Variants in LANCL3 observed in about 807,000 individuals in gnomAD.
LANCL3 encodes lanC-like protein 3.
Under a neutral mutation model 26.5 loss-of-function variants are expected in LANCL3, and 19 were observed. The observed-to-expected ratio is 0.72, with a 90% CI of 0.50 to 1.05. The LOEUF (loss-of-function observed/expected upper bound fraction) is 1.05. Among genes scored for constraint, LANCL3 ranks in the 50% least tolerant of loss-of-function variants. LANCL3 has a pLI of 0.00. For synonymous variants in LANCL3, 160 were observed against 166.6 expected (o/e 0.96, Z 0.30); for missense variants, 318 against 362.7 (o/e 0.88, Z 1.00).
In LANCL3 at chrX:37,572,320, C is replaced by G; in HGVS notation, c.450C>G (p.Phe150Leu). 1 of 1,162,197 alleles carries G rather than the reference C, an allele frequency of 8.6e-7. No homozygotes were observed. The highest frequency in any genetic ancestry group is 1.1e-6 in the Non-Finnish European group (1 of 871,481). ...RSDYVQPLGK[F>L]RALCAVCAPV... ...ACTACGTGCAGCCGCTGGGCAAGTTCCGGGCTCTGTGTGCCGTCTGCGCGC... is the reference window on the plus strand; with the variant it reads ...ACTACGTGCAGCCGCTGGGCAAGTTGCGGGCTCTGTGTGCCGTCTGCGCGC... The change falls in exon 1 of 5, where the codon TTC becomes TTG. Residue 150 changes from phenylalanine to leucine, a missense_variant. By Grantham distance (22) the Phe-to-Leu change is conservative (BLOSUM62 0). Coordinates refer to ENST00000378619, the MANE Select transcript of LANCL3 (RefSeq NM_001170331.2).
intron 1 of LANCL3, among the ~76,000 whole-genome samples, chrX:37,592,502 A>G (rs1208387788): frequency 1.8e-5 from 2 of 112,445 alleles, no homozygotes; most frequent in Non-Finnish European, 3.8e-5. Context: ...AATTTCCCAA[A>G]TGCCCAAATC....
At chrX:37,657,691 A>G (rs1483534407) in intron 2 of LANCL3, among the ~76,000 whole-genome samples, 1 of 110,521 alleles carries the variant, frequency 9.0e-6, no homozygotes, top group African/African-American at 3.3e-5. Context: ...TTTTACATAT[A>G]TATAGCTTAA....
chrX:37,607,401 A>G (rs1924747236), intron 1 of LANCL3, among the ~76,000 whole-genome samples: 1 of 112,234 alleles, frequency 8.9e-6, no homozygotes, highest in Non-Finnish European at 1.9e-5. Context: ...TATCTGTGTC[A>G]TCACAGGTTT....
chrX:37,667,933 G>A (rs1470943937), intron 4 of LANCL3, among the ~76,000 whole-genome samples: 8 of 110,305 alleles, frequency 7.3e-5, no homozygotes, highest in Non-Finnish European at 1.5e-4. Context: ...TCATCTCTTG[G>A]GAGCAAATAG....
At position 37,592,657 on chromosome X, in the gene LANCL3, T is replaced by G. The variant is rs192570395; in HGVS notation, c.573+20214T>G. On this transcript the variant is annotated intron_variant, in intron 1 of 4. Coordinates refer to ENST00000378619, the MANE Select transcript of LANCL3 (RefSeq NM_001170331.2). ...AATAAAAATAATTCAGTGCAAAAAT[T>G]AGAATATTAAGTTGAATAAATGTCC... is the stretch of plus-strand genomic sequence containing the variant. 3.0e-4 allele frequency among the ~76,000 whole-genome samples: 33 copies of G among 111,352 alleles called. No homozygotes were observed. In the East Asian group the frequency reaches 4.2e-3, roughly 14 times the overall value.
At chrX:37,660,721 C>T (rs1926398745) in intron 3 of LANCL3, among the ~76,000 whole-genome samples, 1 of 110,884 alleles carries the variant, frequency 9.0e-6, no homozygotes, top group Admixed American at 9.6e-5. Context: ...AGTTTCATTA[C>T]CTTTTCCTCC....
intron 1 of LANCL3, among the ~76,000 whole-genome samples, chrX:37,582,495 T>C (rs1250030641): frequency 3.6e-5 from 4 of 112,031 alleles, no homozygotes; most frequent in Non-Finnish European, 7.5e-5. Context: ...TGAGGGGGTG[T>C]CTCATCATAG....
chrX:37,575,638 A>T (rs1490154002), intron 1 of LANCL3, among the ~76,000 whole-genome samples: 1 of 112,498 alleles, frequency 8.9e-6, no homozygotes, highest in African/African-American at 3.2e-5. Context: ...AGCTCAACCA[A>T]TAAAGCAGTG....
At chrX:37,587,032 C>T (rs1297035969) in intron 1 of LANCL3, among the ~76,000 whole-genome samples, 1 of 112,827 alleles carries the variant, frequency 8.9e-6, no homozygotes, top group Non-Finnish European at 1.9e-5. Context: ...CCCTCAGCTT[C>T]ATGTCTGTTG....
rs188219327 is a variant in LANCL3, at chrX:37,574,562, G to A, written c.573+2119G>A. On this transcript the variant is annotated intron_variant, in intron 1 of 4. Coordinates refer to ENST00000378619, the MANE Select transcript of LANCL3 (RefSeq NM_001170331.2). Reference sequence around the variant, plus strand: ...TGAGCTAGAATCTCCCACTCAAGCCGTTCCATCTACCTCTAAGAAACAAAT... The same window carrying A: ...TGAGCTAGAATCTCCCACTCAAGCCATTCCATCTACCTCTAAGAAACAAAT... Among the ~76,000 whole-genome samples, 248 of 111,915 alleles carry A rather than the reference G, an allele frequency of 2.2e-3. 1 individual carries two copies. The highest frequency in any genetic ancestry group is 7.7e-3 in the African/African-American group (237 of 30,779).
At chrX:37,607,303 A>G (rs1226709773) in intron 1 of LANCL3, among the ~76,000 whole-genome samples, 1 of 111,640 alleles carries the variant, frequency 9.0e-6, no homozygotes, top group Non-Finnish European at 1.9e-5. Context: ...TAAAAATCTC[A>G]TTTTTCATTC....
chrX:37,647,198 C>T (rs1926008581), intron 1 of LANCL3, among the ~76,000 whole-genome samples: 1 of 110,570 alleles, frequency 9.0e-6, no homozygotes, highest in Non-Finnish European at 1.9e-5. Context: ...CCTGTAGTCC[C>T]ATCTACTTGG....
intron 1 of LANCL3, among the ~76,000 whole-genome samples, chrX:37,652,565 C>G (rs1486379218): frequency 1.8e-5 from 2 of 112,471 alleles, no homozygotes; most frequent in African/African-American, 6.5e-5. Flanking sequence ...AGAATCTATT[C>G]CATCCAAAAT....
chrX:37,609,697 A>C (rs1602106393), intron 1 of LANCL3, among the ~76,000 whole-genome samples: 1 of 111,146 alleles, frequency 9.0e-6, no homozygotes, highest in Non-Finnish European at 1.9e-5. Context: ...GGGATAAAAA[A>C]AAACCCCTAT....
At chrX:37,574,919 A>G (rs1204829140) in intron 1 of LANCL3, among the ~76,000 whole-genome samples, 4 of 107,643 alleles carry the variant, frequency 3.7e-5, no homozygotes, top group African/African-American at 1.4e-4. Flanking sequence ...GTGTATGTAT[A>G]TATATATATA....
At chrX:37,624,434 T>G (rs1330102075) in intron 1 of LANCL3, among the ~76,000 whole-genome samples, 1 of 112,116 alleles carries the variant, frequency 8.9e-6, no homozygotes, top group Non-Finnish European at 1.9e-5. Context: ...CTTTGTAAAA[T>G]TTAAAATATT....
At chrX:37,653,919 G>GAA (rs377141077) in intron 1 of LANCL3, among the ~76,000 whole-genome samples, 2 of 98,369 alleles carry the variant, frequency 2.0e-5, no homozygotes, top group African/African-American at 7.4e-5. Flanking sequence ...TCAGCAAATA[G>GAA]AAAAAAAAAA....
intron 2 of LANCL3, among the ~76,000 whole-genome samples, chrX:37,658,439 T>C (rs1556431678): frequency 8.9e-6 from 1 of 112,229 alleles, no homozygotes; most frequent in African/African-American, 3.2e-5. Flanking sequence ...GACAAACTAA[T>C]TATTTCTTAC....
At chrX:37,633,141 C>G (rs1436449507) in intron 1 of LANCL3, among the ~76,000 whole-genome samples, 1 of 98,782 alleles carries the variant, frequency 1.0e-5, no homozygotes, top group East Asian at 3.0e-4. Context: ...TTCTTGGAGG[C>G]TTTGTTCGTT....
Sources: allele counts gnomAD v4.1 joint callset (sites outside exome capture counted in the v4.1 genomes callset), GRCh38; gene constraint gnomAD v4.1.1; transcripts MANE v1.5; gene names NCBI Gene and HGNC (gene_info 2026-07-23, HGNC 2026-07-21).